Variants in USP48 observed in about 807,000 individuals in gnomAD.
The protein encoded by USP48 is ubiquitin carboxyl-terminal hydrolase 48.
Under a neutral mutation model 150.7 loss-of-function variants are expected in USP48, and 43 were observed. That is an observed-to-expected ratio of 0.29 (90% CI 0.22 to 0.37). The LOEUF is 0.37. Ranked by LOEUF, USP48 falls within the 10% of genes least tolerant of loss-of-function variation. USP48 has a pLI of 1.00. For synonymous variants in USP48, 396 were observed against 425.9 expected (o/e 0.93, Z 0.86); for missense variants, 813 against 1,249.6 (o/e 0.65, Z 5.27).
chr1:21,682,434 C>T (rs1008861998), intron 25 of USP48, among the ~76,000 whole-genome samples: 3 of 149,360 alleles, frequency 2.0e-5, no homozygotes, highest in Non-Finnish European at 1.5e-5. Flanking sequence ...GTTCCTCTTC[C>T]TATTGTTTGC....
chr1:21,729,305 T>C (rs1447677215), intron 10 of USP48, among the ~76,000 whole-genome samples: 2 of 147,396 alleles, frequency 1.4e-5, no homozygotes, highest in South Asian at 2.1e-4. Context: ...AAAGAAAGAA[T>C]AGATGATGCC....
At chr1:21,683,016 T>C (rs1306888715) in intron 25 of USP48, among the ~76,000 whole-genome samples, 1 of 151,888 alleles carries the variant, frequency 6.6e-6, no homozygotes, top group Non-Finnish European at 1.5e-5. Flanking sequence ...ATCCAAACAC[T>C]TCGGGAGGCC....
chr1:21,704,383 G>C lies in USP48; in HGVS notation c.2394C>G (p.Leu798=), dbSNP rs752074568. 9 of 1,612,318 alleles carry C rather than the reference G, an allele frequency of 5.6e-6. No homozygotes were observed. The highest frequency in any genetic ancestry group is 1.7e-4 in the Middle Eastern group (1 of 6,056). Residue 798 remains leucine, a synonymous_variant, in exon 20 of 27, where the codon CTC becomes CTG. Coordinates refer to ENST00000308271, the MANE Select transcript of USP48 (RefSeq NM_032236.8). The part of the protein sequence containing the change: ...MTKEDSKLIA[L]IWPSEWQMIQ... ...TCATTTGCCACTCACTGGGCCATAT[G>C]AGAGCTATACTGTGCAAAAAAAAAA...
At chr1:21,757,601 AC>A (rs1390537302) in intron 2 of USP48, 61 bp downstream of exon 2, 1 of 1,567,086 alleles carries the variant, frequency 6.4e-7, no homozygotes, top group Non-Finnish European at 8.6e-7. Context: ...CAGGCCCAAA[AC>A]AAAAGCAAAA....
chr1:21,695,806 C>T (rs532368696), intron 22 of USP48, among the ~76,000 whole-genome samples: 23 of 152,234 alleles, frequency 1.5e-4, no homozygotes, highest in African/African-American at 5.1e-4. Context: ...TAAACATTTT[C>T]TTCTCTTCTT....
intron 4 of USP48, 105 bp from the exon 5 acceptor site, chr1:21,752,756 T>A: frequency 7.4e-7 from 1 of 1,342,854 alleles, no homozygotes; most frequent in Non-Finnish European, 9.9e-7. Context: ...ACTTTCAACT[T>A]AGCATTTTCA....
chr1:21,694,600 A>AC (rs2097618851), intron 23 of USP48, among the ~76,000 whole-genome samples: 1 of 84,192 alleles, frequency 1.2e-5, no homozygotes, highest in Non-Finnish European at 3.3e-5. Flanking sequence ...AAAAAAAAAA[A>AC]AAAAAAACCC....
intron 8 of USP48, among the ~76,000 whole-genome samples, chr1:21,742,383 A>C (rs2152567946): frequency 6.6e-6 from 1 of 152,110 alleles, no homozygotes; most frequent in East Asian, 1.9e-4. Flanking sequence ...GTCTCTACTA[A>C]AAATACCAAA....
Position 21,706,594 on chromosome 1 carries a change from AAG to A in USP48, c.2089-7_2089-6del. 6.2e-7 allele frequency: 1 copy of A among 1,614,108 alleles called. No homozygotes were observed. Among genetic ancestry groups the A allele is most frequent in the Non-Finnish European group, 8.5e-7 (1 of 1,180,014 alleles). ...TTCCCCTTCTCTTTCTAAAATCTGAAAGAGAATGAAGCAATCAACTGTCTCCT... is the reference window on the plus strand; with the variant it reads ...TTCCCCTTCTCTTTCTAAAATCTGAAAGAATGAAGCAATCAACTGTCTCCT... On this transcript the variant is annotated splice_region_variant and splice_polypyrimidine_tract_variant and intron_variant, in intron 16 of 26. Transcript: ENST00000308271.
rs373707870 is a variant in USP48 at position 21,749,672 on chromosome 1, A to C, written c.775-1401T>G. The stretch of plus-strand genomic sequence containing the variant: ...GGCTGGGGTGCAGTGGTCCAATCAT[A>C]GCTAACTACAGCCTCAAACTCCTGA... On this transcript the variant is annotated intron_variant, in intron 6 of 26. Coordinates refer to ENST00000308271, the MANE Select transcript of USP48 (RefSeq NM_032236.8). 2.6e-5 allele frequency among the ~76,000 whole-genome samples: 4 copies of C among 152,158 alleles called. No homozygotes were observed. The East Asian group carries it at 7.7e-4, about 29-fold the overall frequency.
At chr1:21,712,891 G>T (rs530620139) in intron 15 of USP48, among the ~76,000 whole-genome samples, 2 of 152,134 alleles carry the variant, frequency 1.3e-5, no homozygotes, top group African/African-American at 2.4e-5. Context: ...GCCTCCCAAA[G>T]TGCTGGGATT....
chr1:21,745,334 G>A (rs1314781889), intron 8 of USP48, among the ~76,000 whole-genome samples: 2 of 151,854 alleles, frequency 1.3e-5, no homozygotes, highest in African/African-American at 2.4e-5. Flanking sequence ...AGACAAACAT[G>A]GTGGCTCATG....
At chr1:21,744,144 A>G (rs1402529508) in intron 8 of USP48, among the ~76,000 whole-genome samples, 2 of 152,132 alleles carry the variant, frequency 1.3e-5, no homozygotes, top group African/African-American at 4.8e-5. Flanking sequence ...TCATTGAACT[A>G]ATCAATTTTA....
intron 1 of USP48, among the ~76,000 whole-genome samples, chr1:21,774,211 AATAATAATAATAAG>A: frequency 1.5e-5 from 2 of 131,680 alleles, no homozygotes; most frequent in Admixed American, 1.8e-4. Flanking sequence ...TAATAATAAT[AATAATAATAATAAG>A]GCAGGTATGT....
At chr1:21,712,363 A>T (rs959851579) in intron 15 of USP48, among the ~76,000 whole-genome samples, 2 of 152,210 alleles carry the variant, frequency 1.3e-5, no homozygotes, top group African/African-American at 4.8e-5. Flanking sequence ...CATCTCAAAA[A>T]AAACCAAAAC....
At chr1:21,736,969 C>T (rs1185577897) in intron 8 of USP48, among the ~76,000 whole-genome samples, 1 of 152,176 alleles carries the variant, frequency 6.6e-6, no homozygotes, top group Non-Finnish European at 1.5e-5. Context: ...CAAGAATCGG[C>T]TGTTCATACT....
At chr1:21,759,548 T>C (rs1427791856) in intron 1 of USP48, among the ~76,000 whole-genome samples, 2 of 152,146 alleles carry the variant, frequency 1.3e-5, no homozygotes, top group African/African-American at 2.4e-5. Flanking sequence ...GCAGTGAAAT[T>C]AGAAAACGAA....
intron 5 of USP48, 122 bp from the exon 6 acceptor site, chr1:21,751,737 A>C (rs943019594): frequency 2.7e-6 from 2 of 732,010 alleles, no homozygotes; most frequent in African/African-American, 3.6e-5. Context: ...TCCTTCACAG[A>C]AATTATGTAT....
chr1:21,744,755 C>G (rs1340146738), intron 8 of USP48, among the ~76,000 whole-genome samples: 1 of 102,516 alleles, frequency 9.8e-6, no homozygotes, highest in Non-Finnish European at 1.8e-5. Flanking sequence ...CCAGCCTGGG[C>G]AACAGAATGA....
Sources: allele counts gnomAD v4.1 joint callset (sites outside exome capture counted in the v4.1 genomes callset), GRCh38; gene constraint gnomAD v4.1.1; transcripts MANE v1.5; gene names NCBI Gene and HGNC (gene_info 2026-07-23, HGNC 2026-07-21).